Variants in DLG2 observed in about 807,000 individuals in gnomAD.
The protein encoded by DLG2 is discs large MAGUK scaffold protein 2.
DLG2 carries 45 observed loss-of-function variants against 132.5 expected under a neutral mutation model. The ratio of observed to expected loss-of-function variants is 0.34; its 90% CI spans 0.27 to 0.44. The LOEUF is 0.44. Among genes scored for constraint, DLG2 ranks in the 20% least tolerant of loss-of-function variants. DLG2 has a pLI of 1.00. For synonymous variants in DLG2, 424 were observed against 419.6 expected, an observed-to-expected ratio of 1.01 and a Z score of -0.13; for missense variants, 1,045 against 1,196.9, an observed-to-expected ratio of 0.87 and a Z score of 1.87.
At chr11:83,749,936 C>T (rs1400895052) in intron 18 of DLG2, among the ~76,000 whole-genome samples, 1 of 152,142 alleles carries the variant, frequency 6.6e-6, no homozygotes, top group Non-Finnish European at 1.5e-5. Context: ...ATCAAAAAGA[C>T]TGCCCTAATT....
Position 83,694,866 on chromosome 11 carries a change from A to G in DLG2, c.1826-61541T>C, listed in dbSNP as rs80056490. 1.4e-3 allele frequency among the ~76,000 whole-genome samples: 213 copies of G among 152,350 alleles called. 6 individuals are homozygous for G. The East Asian group carries it at 0.033, about 24-fold the overall frequency. On this transcript the variant is annotated intron_variant, in intron 18 of 27. Transcript: ENST00000376104. ...GTGGCACAAGTTCTTTTCACCGAAT[A>G]GGTAACCACACTGACTTCTTTCAGT...
chr11:85,392,425 T>TAA (rs374219026), intron 3 of DLG2, among the ~76,000 whole-genome samples: 28 of 129,146 alleles, frequency 2.2e-4, no homozygotes, highest in African/African-American at 7.4e-4. Context: ...TTCACAAAAC[T>TAA]AAAAAAAAAA....
chr11:85,107,269 A>G (rs675217), intron 6 of DLG2, among the ~76,000 whole-genome samples: 106,817 of 151,948 alleles, frequency 0.7, 38,695 homozygotes, highest in East Asian at 0.94. Context: ...AATATGCAAC[A>G]AAACAAAAGA....
At chr11:85,107,658 G>T (rs2071991561) in intron 6 of DLG2, among the ~76,000 whole-genome samples, 1 of 151,912 alleles carries the variant, frequency 6.6e-6, no homozygotes, top group Non-Finnish European at 1.5e-5. Context: ...GGTAGCTACT[G>T]TGTTCATATT....
At chr11:85,031,112 G>A (rs1227343029) in intron 6 of DLG2, among the ~76,000 whole-genome samples, 1 of 151,898 alleles carries the variant, frequency 6.6e-6, no homozygotes, top group East Asian at 1.9e-4. Flanking sequence ...TTAAAAAGAA[G>A]TGTCATTTCA....
At chr11:84,086,648 C>A (rs976810005) in intron 10 of DLG2, among the ~76,000 whole-genome samples, 1 of 151,950 alleles carries the variant, frequency 6.6e-6, no homozygotes, top group African/African-American at 2.4e-5. Flanking sequence ...CACCACCACA[C>A]CTGGCTAATT....
At chr11:83,874,380 A>G (rs770542684) in intron 16 of DLG2, 40 bp downstream of exon 16, 15 of 1,416,220 alleles carry the variant, frequency 1.1e-5, no homozygotes, top group South Asian at 1.5e-5. Context: ...TTCATATTCC[A>G]AGGCTGCACA....
At chr11:85,471,556 G>C (rs530210968) in intron 3 of DLG2, among the ~76,000 whole-genome samples, 1 of 152,234 alleles carries the variant, frequency 6.6e-6, no homozygotes, top group South Asian at 2.1e-4. Flanking sequence ...ATAAATTCTT[G>C]ATTTGAAATT....
At chr11:83,628,407 T>C (rs2062984616) in intron 19 of DLG2, among the ~76,000 whole-genome samples, 1 of 152,172 alleles carries the variant, frequency 6.6e-6, no homozygotes, top group Non-Finnish European at 1.5e-5. Context: ...AGCTAGCAAC[T>C]GTGTGCTTAA....
intron 4 of DLG2, among the ~76,000 whole-genome samples, chr11:85,207,512 A>G (rs971394394): frequency 2.6e-5 from 4 of 152,126 alleles, no homozygotes; most frequent in Non-Finnish European, 5.9e-5. Context: ...CCTTCCCATT[A>G]TTTTGTGAGG....
intron 4 of DLG2, among the ~76,000 whole-genome samples, chr11:85,169,009 T>C (rs1490274878): frequency 6.6e-6 from 1 of 152,136 alleles, no homozygotes; most frequent in African/African-American, 2.4e-5. Context: ...TCCAGAAACC[T>C]TCACAGATAC....
intron 11 of DLG2, among the ~76,000 whole-genome samples, chr11:84,025,141 G>T (rs1259153618): frequency 6.6e-6 from 1 of 152,152 alleles, no homozygotes; most frequent in Non-Finnish European, 1.5e-5. Flanking sequence ...GTTGGTTGAT[G>T]GGTCAGTTGG....
chr11:84,730,197 T>C (rs2062990007), intron 6 of DLG2, among the ~76,000 whole-genome samples: 1 of 152,060 alleles, frequency 6.6e-6, no homozygotes, highest in South Asian at 2.1e-4. Context: ...CCAGTCCCAG[T>C]TTGGACACTT....
At chr11:83,674,922 A>G (rs1160190023) in intron 18 of DLG2, among the ~76,000 whole-genome samples, 1 of 152,240 alleles carries the variant, frequency 6.6e-6, no homozygotes, top group African/African-American at 2.4e-5. Flanking sequence ...AGGTGGATTG[A>G]CAGCACTGAG....
chr11:84,623,419 G>A (rs940480613), intron 6 of DLG2, among the ~76,000 whole-genome samples: 1 of 152,102 alleles, frequency 6.6e-6, no homozygotes, highest in Non-Finnish European at 1.5e-5. Flanking sequence ...ATAATAATCA[G>A]TGCTTATGTA....
intron 6 of DLG2, among the ~76,000 whole-genome samples, chr11:84,802,262 G>T (rs2075484509): frequency 6.6e-6 from 1 of 151,968 alleles, no homozygotes; most frequent in African/African-American, 2.4e-5. Context: ...ATTATGGATA[G>T]GAAATAGGAA....
chr11:83,897,924 G>C (rs1455284619), intron 15 of DLG2, among the ~76,000 whole-genome samples: 3 of 152,060 alleles, frequency 2.0e-5, no homozygotes, highest in Non-Finnish European at 4.4e-5. Flanking sequence ...TCCCCATTTT[G>C]CGATGAAGAA....
intron 6 of DLG2, among the ~76,000 whole-genome samples, chr11:84,918,978 A>G (rs1194332996): frequency 6.6e-6 from 1 of 152,108 alleles, no homozygotes; most frequent in Non-Finnish European, 1.5e-5. Flanking sequence ...AACAACTAGA[A>G]CTCCAGGTTC....
intron 11 of DLG2, among the ~76,000 whole-genome samples, chr11:84,007,081 T>C (rs1036013033): frequency 2.6e-5 from 4 of 151,654 alleles, no homozygotes; most frequent in African/African-American, 9.7e-5. Flanking sequence ...GGGCTCTTTG[T>C]AAAAGAGATA....
Sources: gnomAD v4.1 joint callset for allele counts (sites outside exome capture counted in the v4.1 genomes callset) on GRCh38, gnomAD v4.1.1 for gene constraint, MANE v1.5 for transcripts, NCBI Gene and HGNC (gene_info 2026-07-23, HGNC 2026-07-21) for gene names.